Variants in CHRND observed in about 807,000 individuals in gnomAD.
CHRND encodes acetylcholine receptor subunit delta.
In CHRND, 40 loss-of-function variants were observed where a neutral mutation model predicts 57.8. That is an observed-to-expected ratio of 0.69 (90% CI 0.54 to 0.90). The LOEUF (loss-of-function observed/expected upper bound fraction) is 0.90. Among genes scored for constraint, CHRND ranks in the 40% least tolerant of loss-of-function variants. The pLI, the probability that CHRND is intolerant of heterozygous loss-of-function variation, is 0.00. For missense variants in CHRND, 634 were observed against 673.9 expected, an observed-to-expected ratio of 0.94 and a Z score of 0.66; for synonymous variants, 237 against 270.6, an observed-to-expected ratio of 0.88 and a Z score of 1.22.
At chr2:232,534,388 C>T (rs1293472447) in intron 11 of CHRND, 46 bp downstream of exon 11, 1 of 1,557,452 alleles carries the variant, frequency 6.4e-7, no homozygotes, top group African/African-American at 1.4e-5. Context: ...AAGTAGGGCA[C>T]TGATTAAGTG....
intron 5 of CHRND, 37 bp from the exon 6 acceptor site, chr2:232,528,825 T>G (rs1441607943): frequency 6.3e-7 from 1 of 1,590,480 alleles, no homozygotes; most frequent in African/African-American, 1.3e-5. Context: ...CCCCAGCCAC[T>G]GGCCGAGTGT....
At chr2:232,530,502 CA>C (rs1187543178) in intron 7 of CHRND, among the ~76,000 whole-genome samples, 1 of 152,216 alleles carries the variant, frequency 6.6e-6, no homozygotes, top group African/African-American at 2.4e-5. Flanking sequence ...GGGTGAATAA[CA>C]GGGTCTCTAG....
intron 6 of CHRND, 119 bp downstream of exon 6, chr2:232,529,090 C>T (rs1691590227): frequency 4.1e-6 from 3 of 731,206 alleles, no homozygotes; most frequent in Middle Eastern, 2.9e-4. Context: ...CACCAATACA[C>T]AGCTCCTCAC....
intron 9 of CHRND, among the ~76,000 whole-genome samples, chr2:232,531,878 T>A (rs866930936): frequency 1.6e-5 from 2 of 127,004 alleles, no homozygotes; most frequent in South Asian, 4.9e-4. Flanking sequence ...GCCTGGGAGG[T>A]CAAAGCTGCA....
chr2:232,529,023 C>A, intron 6 of CHRND, 52 bp downstream of exon 6: 1 of 1,304,500 alleles, frequency 7.7e-7, no homozygotes, highest in Non-Finnish European at 1.1e-6. Flanking sequence ...CACACACAGA[C>A]ACACTGGCCC....
chr2:232,529,090 C>G (rs1691590227), intron 6 of CHRND, 119 bp downstream of exon 6: 4 of 731,206 alleles, frequency 5.5e-6, no homozygotes, highest in African/African-American at 3.5e-5. Flanking sequence ...CACCAATACA[C>G]AGCTCCTCAC....
At chr2:232,531,872 G>C (rs1218894542) in intron 9 of CHRND, among the ~76,000 whole-genome samples, 1 of 148,850 alleles carries the variant, frequency 6.7e-6, no homozygotes, top group African/African-American at 2.5e-5. Flanking sequence ...ACTTGAGCCT[G>C]GGAGGTCAAA....
chr2:232,528,752 G>A (rs1691576600), intron 5 of CHRND, 96 bp downstream of exon 5: 19 of 1,593,674 alleles, frequency 1.2e-5, no homozygotes, highest in Non-Finnish European at 1.5e-5. Flanking sequence ...CCCCTGCCCT[G>A]TCTGGATTAG....
intron 9 of CHRND, among the ~76,000 whole-genome samples, chr2:232,533,180 CT>C (rs113806845): frequency 7.2e-5 from 11 of 152,160 alleles, no homozygotes; most frequent in African/African-American, 2.7e-4. Context: ...GCCACCATGC[CT>C]GGCTAATTTT....
Position 232,536,438 on chromosome 2 carries a change from A to G in CHRND, c.*1126A>G, listed in dbSNP as rs1392360926. On this transcript the variant is annotated 3_prime_UTR_variant, in exon 12 of 12. Transcript: ENST00000258385. ...GCTGGCATGTTAAGGAGCCCTATGG[A>G]GAGGCCCACATGGCAAGGAACTAAG... 4.4e-6 allele frequency: 2 copies of G among 454,130 alleles called. No homozygotes were observed. Among genetic ancestry groups the G allele is most frequent in the South Asian group, 3.1e-5 (2 of 64,478 alleles). 28.1% of individuals were successfully genotyped at this position (454,130 alleles called of 1,614,324 possible).
rs745788897 is a variant in CHRND at position 232,530,156 on chromosome 2, C to T, written c.820+17C>T. Reference sequence around the variant, plus strand: ...CGGCTGACAGTGAGCCTCCAGGCCCCGTCCCCTGCTCCCCCTCCCCAAGCC... The same window carrying T: ...CGGCTGACAGTGAGCCTCCAGGCCCTGTCCCCTGCTCCCCCTCCCCAAGCC... On this transcript the variant is annotated intron_variant, in intron 7 of 11. Transcript: ENST00000258385. The T allele has an allele frequency of 3.7e-5, 59 of 1,612,888 alleles. No individual in the cohort carries two copies. The highest frequency in any genetic ancestry group is 3.1e-4 in the African/African-American group (23 of 74,882).
At chr2:232,529,787 C>A in intron 6 of CHRND, 152 bp from the exon 7 acceptor site, 1 of 698,482 alleles carries the variant, frequency 1.4e-6, no homozygotes, top group Non-Finnish European at 2.4e-6. Context: ...ATCCCGACCC[C>A]CCAGGGAACG....
rs1691871073 is a variant in CHRND, at chr2:232,535,828, C to A, written c.*516C>A. On this transcript the variant is annotated 3_prime_UTR_variant, in exon 12 of 12. Transcript: ENST00000258385. Reference sequence around the variant, plus strand: ...CCAGAGTATCCTTTCCTAGCTCTTTCTGCCTTGACCTCTCTGCCTAGGTCC... The same window carrying A: ...CCAGAGTATCCTTTCCTAGCTCTTTATGCCTTGACCTCTCTGCCTAGGTCC... 1 of 454,084 alleles carries A rather than the reference C, an allele frequency of 2.2e-6. No individual in the cohort carries two copies. The highest frequency in any genetic ancestry group is 2.0e-5 in the African/African-American group (1 of 50,010). The allele number at this position is 454,084 out of a possible 1,614,324, so 28.1% of individuals were successfully genotyped here.
chr2:232,528,483 C>T lies in CHRND; in HGVS notation c.354-18C>T. 1 of 1,614,102 alleles carries T rather than the reference C, an allele frequency of 6.2e-7. No homozygotes were observed. Among genetic ancestry groups the T allele is most frequent in the Non-Finnish European group, 8.5e-7 (1 of 1,180,016 alleles). On this transcript the variant is annotated intron_variant, in intron 4 of 11. Coordinates refer to ENST00000258385, the MANE Select transcript of CHRND (RefSeq NM_000751.3). ...TGAGTGGCCAGAGCTCACTATGGTT[C>T]TTGTCCCTGTCCCCCAGCAATGACG...
Position 232,535,464 on chromosome 2 carries a change from G to T in CHRND, c.*152G>T. 2 of 953,538 alleles carry T rather than the reference G, an allele frequency of 2.1e-6. No individual in the cohort carries two copies. Among genetic ancestry groups the T allele is most frequent in the Non-Finnish European group, 3.2e-6 (2 of 615,716 alleles). The allele number at this position is 953,538 out of a possible 1,614,324, so 59.1% of individuals were successfully genotyped here. ...AGCAGCCACTCCTCAATGCTCAATG[G>T]CTCCCCTGAAATCAAGACAGGGGCC... On this transcript the variant is annotated 3_prime_UTR_variant, in exon 12 of 12. Transcript: ENST00000258385.
At chr2:232,527,325 A>AGG in intron 2 of CHRND, 76 bp from the exon 3 acceptor site, 1 of 1,272,862 alleles carries the variant, frequency 7.9e-7, no homozygotes, top group Admixed American at 1.7e-5. Flanking sequence ...AGAGAGAGAG[A>AGG]GAGAGAGAGT....
At position 232,531,571 on chromosome 2, in the gene CHRND, C is replaced by A. The variant is rs776316455; in HGVS notation, c.962C>A (p.Thr321Asn). 1.9e-6 allele frequency: 3 copies of A among 1,614,134 alleles called. No homozygotes were observed. Among genetic ancestry groups the A allele is most frequent in the Non-Finnish European group, 2.5e-6 (3 of 1,180,046 alleles). ...CTGCTCTTCGGCATGGTGCTGGTCA[C>A]CATGGTTGTGGTGATCTGTGTCATC... ...KFLLFGMVLV[T>N]MVVVICVIVL... Residue 321 changes from threonine to asparagine, a missense_variant, in exon 9 of 12, where the codon ACC (threonine) becomes AAC (asparagine). Physicochemically the swap from Thr to Asn is moderately conservative, Grantham distance 65. Transcript: ENST00000258385.
rs571429491 is a variant in CHRND at position 232,528,663 on chromosome 2, C to T, written c.509+7C>T. ...ACTGCTCCCTCAAGTTCAGGTGTGCCCTTTTCTCCAGCCACCCCTCACCCC... is the reference window on the plus strand; with the variant it reads ...ACTGCTCCCTCAAGTTCAGGTGTGCTCTTTTCTCCAGCCACCCCTCACCCC... On this transcript the variant is annotated splice_region_variant and intron_variant, in intron 5 of 11. Coordinates refer to ENST00000258385, the MANE Select transcript of CHRND (RefSeq NM_000751.3). 4 of 1,613,822 alleles carry T rather than the reference C, an allele frequency of 2.5e-6. No individual in the cohort carries two copies. The highest frequency in any genetic ancestry group is 4.5e-5 in the East Asian group (2 of 44,878).
chr2:232,532,476 CAAAAAAAA>C (rs578172115), intron 9 of CHRND, among the ~76,000 whole-genome samples: 2 of 92,554 alleles, frequency 2.2e-5, no homozygotes, highest in Admixed American at 1.1e-4. Context: ...ACTCTGTCTC[CAAAAAAAA>C]AAAAAAAAAA....
Sources: gnomAD v4.1 joint callset for allele counts (sites outside exome capture counted in the v4.1 genomes callset) on GRCh38, gnomAD v4.1.1 for gene constraint, MANE v1.5 for transcripts, NCBI Gene and HGNC (gene_info 2026-07-23, HGNC 2026-07-21) for gene names.